Variants in PHEX observed in about 807,000 individuals in gnomAD.
PHEX encodes phosphate regulating endopeptidase X-linked, also known as phosphate-regulating neutral endopeptidase PHEX.
Under a neutral mutation model 68.0 loss-of-function variants are expected in PHEX, and 16 were observed. The observed-to-expected ratio is 0.24, with a 90% CI of 0.16 to 0.36. The LOEUF is 0.36. Ranked by LOEUF, PHEX falls within the 10% of genes least tolerant of loss-of-function variation. PHEX has a pLI of 1.00. For missense variants in PHEX, 480 were observed against 575.5 expected (o/e 0.83, Z 1.70); for synonymous variants, 208 against 205.1 (o/e 1.01, Z -0.12).
Position 22,215,620 on chromosome X carries a change from A to C in PHEX, c.1700+2662A>C, listed in dbSNP as rs148816712. ...CCTTCAGTTTTGGGGAATCATAATA[A>C]TTATCACCATAAAAATTTCCTAGAA... On this transcript the variant is annotated intron_variant, in intron 16 of 21. Coordinates refer to ENST00000379374, the MANE Select transcript of PHEX (RefSeq NM_000444.6). 4.1e-3 allele frequency among the ~76,000 whole-genome samples: 458 copies of C among 111,333 alleles called. 5 individuals carry two copies. The highest frequency in any genetic ancestry group is 0.015 in the African/African-American group (446 of 30,615).
intron 15 of PHEX, among the ~76,000 whole-genome samples, chrX:22,207,821 A>G (rs985188566): frequency 1.8e-5 from 2 of 111,605 alleles, no homozygotes; most frequent in Non-Finnish European, 3.8e-5. Context: ...AATATACAAA[A>G]ATTATTAAAG....
intron 17 of PHEX, 75 bp downstream of exon 17, chrX:22,219,178 AT>A: frequency 1.4e-6 from 1 of 691,914 alleles, no homozygotes; most frequent in Non-Finnish European, 2.3e-6. Context: ...TGTTATGATT[AT>A]CTTTGCATAG....
chrX:22,190,744 A>G (rs1934173252), intron 15 of PHEX, among the ~76,000 whole-genome samples: 1 of 111,421 alleles, frequency 9.0e-6, no homozygotes, highest in South Asian at 3.8e-4. Flanking sequence ...AACCAAATTA[A>G]ACCATAATGA....
intron 1 of PHEX, among the ~76,000 whole-genome samples, chrX:22,034,971 C>A (rs750266598): frequency 3.6e-5 from 4 of 111,098 alleles, no homozygotes; most frequent in Admixed American, 9.7e-5. Context: ...TGCCACCCAC[C>A]TCCACTCTGC....
Position 22,111,390 on chromosome X carries a change from G to A in PHEX, c.1080-77G>A, listed in dbSNP as rs1435343333. On this transcript the variant is annotated intron_variant, in intron 9 of 21. Transcript: ENST00000379374. The stretch of plus-strand genomic sequence containing the variant: ...GTCCCTCGATGGAGCTTTGCCAACT[G>A]TTTCTCTCAAGATGTTCTGCAGAGC... 3 of 822,024 alleles carry A rather than the reference G, an allele frequency of 3.6e-6. No individual in the cohort carries two copies. The Admixed American group carries it at 6.6e-5, about 18-fold the overall frequency. The allele number at this position is 822,024 out of a possible 1,213,427, so 67.7% of individuals were successfully genotyped here.
rs1569100404 is a variant in PHEX, at chrX:22,249,484, A to ATATATATATATATATG, written c.*1534_*1535insATATATATATATGTAT. The ATATATATATATATATG allele has an allele frequency of 2.3e-5, 2 of 86,639 alleles. No individual in the cohort carries two copies. Among genetic ancestry groups the ATATATATATATATATG allele is most frequent in the African/African-American group, 9.8e-5 (2 of 20,472 alleles). 7.1% of individuals were successfully genotyped at this position (86,639 alleles called of 1,213,427 possible). On this transcript the variant is annotated 3_prime_UTR_variant, in exon 22 of 22. Coordinates refer to ENST00000379374, the MANE Select transcript of PHEX (RefSeq NM_000444.6). The stretch of plus-strand genomic sequence containing the variant: ...TATATATATATATATATATATATAT[A>ATATATATATATATATG]TATGTATATCTACCTAAGTGTGTGC...
At chrX:22,114,679 G>A in intron 11 of PHEX, 93 bp downstream of exon 11, 1 of 759,079 alleles carries the variant, frequency 1.3e-6, no homozygotes, top group Admixed American at 2.2e-5. Context: ...CCTTCCAGGT[G>A]GTAGTGGCCT....
intron 2 of PHEX, among the ~76,000 whole-genome samples, chrX:22,040,944 T>C (rs1181940580): frequency 9.2e-6 from 1 of 109,160 alleles, no homozygotes; most frequent in Non-Finnish European, 1.9e-5. Context: ...GTGACTCAAG[T>C]AGGTTTATTT....
chrX:22,129,900 T>C (rs186074251), intron 11 of PHEX, among the ~76,000 whole-genome samples: 53 of 111,860 alleles, frequency 4.7e-4, no homozygotes, highest in African/African-American at 1.7e-3. Context: ...ACAAACTCAA[T>C]TAATTTGTCC....
At chrX:22,198,744 G>C (rs966701982) in intron 15 of PHEX, among the ~76,000 whole-genome samples, 4 of 111,425 alleles carry the variant, frequency 3.6e-5, no homozygotes, top group African/African-American at 9.8e-5. Flanking sequence ...GAACAGGCCA[G>C]AGGGAGCTAG....
intron 15 of PHEX, among the ~76,000 whole-genome samples, chrX:22,198,992 T>TA (rs1934465173): frequency 9.0e-6 from 1 of 111,261 alleles, no homozygotes. Context: ...CTCCCATTTA[T>TA]AAAACCATCA....
intron 20 of PHEX, among the ~76,000 whole-genome samples, chrX:22,240,541 A>C (rs777031710): frequency 1.8e-5 from 2 of 109,547 alleles, no homozygotes; most frequent in East Asian, 5.7e-4. Context: ...GGATGGAGGA[A>C]GATCTACCAA....
At chrX:22,183,712 C>CT (rs200850510) in intron 14 of PHEX, among the ~76,000 whole-genome samples, 2,999 of 109,679 alleles carry the variant, frequency 0.027, 112 homozygotes, top group African/African-American at 0.095. Context: ...AGTTCCAACT[C>CT]TTTTTTAAAA....
intron 14 of PHEX, 124 bp downstream of exon 14, chrX:22,178,500 C>T (rs1009521757): frequency 2.5e-6 from 1 of 400,092 alleles, no homozygotes; most frequent in Non-Finnish European, 4.4e-6. Context: ...CTTGTTTTAG[C>T]AAAATCTGTG....
chrX:22,240,825 C>T (rs996956274), intron 20 of PHEX, among the ~76,000 whole-genome samples: 1 of 111,167 alleles, frequency 9.0e-6, no homozygotes, highest in Non-Finnish European at 1.9e-5. Flanking sequence ...ACTTTAACAC[C>T]CCACTGTCAA....
At chrX:22,152,787 A>G (rs1932876521) in intron 12 of PHEX, among the ~76,000 whole-genome samples, 2 of 111,741 alleles carry the variant, frequency 1.8e-5, no homozygotes, top group South Asian at 7.5e-4. Context: ...AATGTTTTAA[A>G]TCTTGTCTCA....
chrX:22,198,667 G>A (rs1299726645), intron 15 of PHEX, among the ~76,000 whole-genome samples: 1 of 111,725 alleles, frequency 9.0e-6, no homozygotes, highest in Non-Finnish European at 1.9e-5. Flanking sequence ...TTGCACTGGT[G>A]GAAGAGACAG....
chrX:22,066,124 A>G (rs1928589944), intron 3 of PHEX, among the ~76,000 whole-genome samples: 1 of 111,975 alleles, frequency 8.9e-6, no homozygotes, highest in Non-Finnish European at 1.9e-5. Context: ...TAGGCCGTGT[A>G]AAGATTTTAG....
At position 22,178,062 on chromosome X, in the gene PHEX, G is replaced by T. The variant is rs41311821; in HGVS notation, c.1483-211G>T. Among the ~76,000 whole-genome samples the T allele has an allele frequency of 0.041, 4,562 of 112,028 alleles. 105 individuals carry two copies. The highest frequency in any genetic ancestry group is 0.074 in the Middle Eastern group (16 of 217). On this transcript the variant is annotated intron_variant, in intron 13 of 21. Coordinates refer to ENST00000379374, the MANE Select transcript of PHEX (RefSeq NM_000444.6). Reference sequence around the variant, plus strand: ...TGTGTTTTTACTGTGATCCAGAAATGACTATATTGATTTTTGAAGTTTTTA... The same window carrying T: ...TGTGTTTTTACTGTGATCCAGAAATTACTATATTGATTTTTGAAGTTTTTA...
Sources: allele counts gnomAD v4.1 joint callset (sites outside exome capture counted in the v4.1 genomes callset), GRCh38; gene constraint gnomAD v4.1.1; transcripts MANE v1.5; gene names NCBI Gene and HGNC (gene_info 2026-07-23, HGNC 2026-07-21).